Variants in ARHGEF16 observed in about 807,000 individuals in gnomAD.
ARHGEF16 encodes the protein Rho guanine nucleotide exchange factor 16, also known as Rho guanine exchange factor (GEF) 16.
ARHGEF16 carries 59 observed loss-of-function variants against 74.1 expected under a neutral mutation model. That is an observed-to-expected ratio of 0.80 (90% confidence interval 0.65 to 0.99). The LOEUF (loss-of-function observed/expected upper bound fraction) is 0.99, where lower values mean the gene tolerates loss of function less well. Ranked by LOEUF, ARHGEF16 falls within the 50% of genes least tolerant of loss-of-function variation. The probability of loss-of-function intolerance (pLI) is 0.00; values close to 1 mark genes in which losing one functional copy is unlikely to be tolerated. For synonymous variants in ARHGEF16, 415 were observed against 412.6 expected, an observed-to-expected ratio of 1.01 and a Z score of -0.07; for missense variants, 948 against 986.6, an observed-to-expected ratio of 0.96 and a Z score of 0.52.
intron 1 of ARHGEF16, among the ~76,000 whole-genome samples, chr1:3,461,545 A>G (rs959315002): frequency 1.3e-5 from 2 of 152,148 alleles, no homozygotes; most frequent in Non-Finnish European, 2.9e-5. Context: ...GGCCTGAGAG[A>G]CCAGACCCTC....
chr1:3,463,422 T>C lies in ARHGEF16; in HGVS notation c.338T>C (p.Leu113Pro). ...CACCAGAGCTTCGGGGCGGCTGTAC[T>C]TAGCAGGGAGGCCGCCCGGCGGGAC... ...ARHQSFGAAVLSREAARRDPK... is the reference protein window; with the variant it reads ...ARHQSFGAAVPSREAARRDPK... Residue 113 changes from leucine (L) to proline (P), a missense_variant, in exon 2 of 15, where the codon CTT (leucine) becomes CCT (proline). Leu to Pro is a moderately conservative substitution (Grantham distance 98, BLOSUM62 -3). Transcript: ENST00000378378. The C allele has an allele frequency of 6.5e-7, 1 of 1,548,048 alleles. No homozygotes were observed. The highest frequency in any genetic ancestry group is 1.2e-5 in the South Asian group (1 of 83,970).
In ARHGEF16 at chr1:3,463,533, G is replaced by A. The variant is rs891245485; in HGVS notation, c.449G>A (p.Arg150Gln). Residue 150 changes from arginine (R) to glutamine (Q), a missense_variant, in exon 2 of 15, where the codon CGG becomes CAG. By Grantham distance (43) the Arg-to-Gln change is conservative. Coordinates refer to ENST00000378378, the MANE Select transcript of ARHGEF16 (RefSeq NM_014448.4). The part of the protein sequence containing the change: ...DPGGMLRRNL[R>Q]NQSYRAAMKG... ...GGGGGCATGCTGAGGCGGAACCTGC[G>A]GAACCAATCCTACCGGGCGGCCATG... 25 of 1,470,968 alleles carry A rather than the reference G, an allele frequency of 1.7e-5. No homozygotes were observed. The highest frequency in any genetic ancestry group is 1.1e-4 in the South Asian group (8 of 71,538). 91.1% of individuals were successfully genotyped at this position (1,470,968 alleles called of 1,614,324 possible).
chr1:3,480,412 TC>T, intron 14 of ARHGEF16, 35 bp from the exon 15 acceptor site: 1 of 1,609,824 alleles, frequency 6.2e-7, no homozygotes, highest in Non-Finnish European at 8.5e-7. Flanking sequence ...CCCACGGCCT[TC>T]CCCTCACCTC....
rs1032146671 is a variant in ARHGEF16, at chr1:3,463,218, G to A, written c.134G>A (p.Arg45Lys). 6.5e-7 allele frequency: 1 copy of A among 1,547,376 alleles called. No individual in the cohort carries two copies. Among genetic ancestry groups the A allele is most frequent in the African/African-American group, 1.4e-5 (1 of 73,110 alleles). ...ATGGTCCGTGGCTCCCCGCGTGTTA[G>A]AGACGATGCCGCCTTCCAGCCCCAG... ...LPMVRGSPRVRDDAAFQPQVP... is the reference protein window; with the variant it reads ...LPMVRGSPRVKDDAAFQPQVP... The change falls in exon 2 of 15, where the codon AGA becomes AAA. Residue 45 changes from arginine to lysine, a missense_variant. By Grantham distance (26) the Arg-to-Lys change is conservative (BLOSUM62 2). Transcript: ENST00000378378.
At chr1:3,469,176 C>G (rs1290618597) in intron 5 of ARHGEF16, among the ~76,000 whole-genome samples, 5 of 152,190 alleles carry the variant, frequency 3.3e-5, no homozygotes, top group Non-Finnish European at 7.4e-5. Flanking sequence ...GCTGCCATCA[C>G]CCCCTTCTCT....
chr1:3,477,574 G>A (rs762258681), intron 10 of ARHGEF16, among the ~76,000 whole-genome samples: 1 of 151,690 alleles, frequency 6.6e-6, no homozygotes, highest in East Asian at 2.0e-4. Flanking sequence ...GTGTGTGGAG[G>A]CTTCCCCAGC....
chr1:3,474,067 A>G (rs909331442), intron 8 of ARHGEF16: 4 of 192,900 alleles, frequency 2.1e-5, no homozygotes, highest in Admixed American at 1.1e-4. Context: ...CCATGTGCAC[A>G]CAATGCATAT....
At chr1:3,462,173 G>A (rs1639413909) in intron 1 of ARHGEF16, among the ~76,000 whole-genome samples, 1 of 152,146 alleles carries the variant, frequency 6.6e-6, no homozygotes, top group Non-Finnish European at 1.5e-5. Context: ...CTCTCTGCTG[G>A]GGGGTGTACG....
At chr1:3,459,693 A>G (rs1423384402) in intron 1 of ARHGEF16, among the ~76,000 whole-genome samples, 1 of 152,230 alleles carries the variant, frequency 6.6e-6, no homozygotes, top group Admixed American at 6.5e-5. Context: ...CACATGGCAG[A>G]GACGCCAGAA....
chr1:3,459,454 G>T (rs1411738223), intron 1 of ARHGEF16, among the ~76,000 whole-genome samples: 1 of 152,230 alleles, frequency 6.6e-6, no homozygotes, highest in Non-Finnish European at 1.5e-5. Flanking sequence ...TTTTCAGGCA[G>T]TCCAAAAGAT....
intron 8 of ARHGEF16, 39 bp from the exon 9 acceptor site, chr1:3,474,669 C>T: frequency 1.3e-6 from 2 of 1,586,222 alleles, no homozygotes; most frequent in Non-Finnish European, 1.7e-6. Context: ...CCTGGGATGC[C>T]AGAGGGGACT....
Position 3,463,677 on chromosome 1 carries a change from G to A in ARHGEF16, c.588+5G>A. The A allele has an allele frequency of 9.2e-6, 13 of 1,410,652 alleles. No homozygotes were observed. Among genetic ancestry groups the A allele is most frequent in the South Asian group, 1.8e-5 (1 of 55,880 alleles). 87.4% of individuals were successfully genotyped at this position (1,410,652 alleles called of 1,614,324 possible). A position where few individuals can be genotyped will look rare whatever the true frequency, so the allele number is the denominator to read the frequency against. On this transcript the variant is annotated splice_donor_5th_base_variant and intron_variant, in intron 2 of 14. Coordinates refer to ENST00000378378, the MANE Select transcript of ARHGEF16 (RefSeq NM_014448.4). ...CGGAGCCCGGCCAAAAACAAGGTAG[G>A]GGCCTGCTCGTGTGGACCGTGGGGA...
In ARHGEF16 at chr1:3,480,748, G is replaced by A. The variant is rs927686351; in HGVS notation, c.*161G>A. The A allele has an allele frequency of 6.9e-6, 7 of 1,012,258 alleles. No homozygotes were observed. The highest frequency in any genetic ancestry group is 3.2e-4 in the Middle Eastern group (1 of 3,122). The allele number at this position is 1,012,258 out of a possible 1,614,324, so 62.7% of individuals were successfully genotyped here. On this transcript the variant is annotated 3_prime_UTR_variant, in exon 15 of 15. Coordinates refer to ENST00000378378, the MANE Select transcript of ARHGEF16 (RefSeq NM_014448.4). Reference sequence around the variant, plus strand: ...TGGTGCCGGGCTCCAGACACTTCACGGAAGGAAGATCACATGTCCCCAGAG... The same window carrying A: ...TGGTGCCGGGCTCCAGACACTTCACAGAAGGAAGATCACATGTCCCCAGAG...
At chr1:3,471,740 G>A in intron 6 of ARHGEF16, 6 of 1,206,444 alleles carry the variant, frequency 5.0e-6, no homozygotes, top group East Asian at 8.1e-5. Flanking sequence ...CTGGGCCCCC[G>A]ACAGCTCCTG....
chr1:3,457,369 A>T (rs982574667), intron 1 of ARHGEF16, among the ~76,000 whole-genome samples: 1 of 152,216 alleles, frequency 6.6e-6, no homozygotes, highest in African/African-American at 2.4e-5. Flanking sequence ...GAAATGCCTG[A>T]GGGTGGGACC....
In ARHGEF16 at chr1:3,477,997, C is replaced by T. The variant is rs371544360; in HGVS notation, c.1596C>T (p.Asn532=). 1.6e-5 allele frequency: 25 copies of T among 1,612,576 alleles called. No individual in the cohort carries two copies. Among genetic ancestry groups the T allele is most frequent in the Middle Eastern group, 1.6e-4 (1 of 6,082 alleles). The change falls in exon 11 of 15, where the codon AAC becomes AAT. Residue 532 remains asparagine, a synonymous_variant. Transcript: ENST00000378378. ...SRPTCYLFLF[N]DVLVVTKKKS... ...CAACGTGCTACCTTTTCCTGTTCAA[C>T]GATGTCCTGGTTGTGACCAAGAAGA... is the stretch of plus-strand genomic sequence containing the variant.
chr1:3,471,368 C>A (rs554246290), intron 6 of ARHGEF16, among the ~76,000 whole-genome samples: 1 of 152,062 alleles, frequency 6.6e-6, no homozygotes, highest in South Asian at 2.1e-4. Context: ...ATATCAGCCC[C>A]GCCCCTGGCG....
In ARHGEF16 at chr1:3,478,549, A is replaced by G. The variant is rs201282947; in HGVS notation, c.1751A>G (p.Gln584Arg). ...NRSSSVPHPF[Q>R]VTLLRNSEGR... ...AGCTCCTCCGTGCCCCACCCCTTCC[A>G]GGTGACCCTGCTTCGCAACAGCGAG... The change falls in exon 12 of 15, where the codon CAG becomes CGG. Residue 584 changes from glutamine to arginine, a missense_variant. Coordinates refer to ENST00000378378, the MANE Select transcript of ARHGEF16 (RefSeq NM_014448.4). 1.7e-5 allele frequency: 27 copies of G among 1,612,584 alleles called. No individual in the cohort carries two copies. The African/African-American group carries it at 3.5e-4, about 21-fold the overall frequency.
At chr1:3,473,596 G>T (rs1639799425) in intron 8 of ARHGEF16, 74 bp downstream of exon 8, 1 of 1,590,164 alleles carries the variant, frequency 6.3e-7, no homozygotes, top group South Asian at 1.1e-5. Flanking sequence ...GCCCCGGATG[G>T]AGCATTACGT....
Sources: allele counts gnomAD v4.1 joint callset (sites outside exome capture counted in the v4.1 genomes callset), GRCh38; gene constraint gnomAD v4.1.1; transcripts MANE v1.5; gene names NCBI Gene and HGNC (gene_info 2026-07-23, HGNC 2026-07-21).